Variants in HEMK2 observed in about 807,000 individuals in gnomAD.
The protein encoded by HEMK2 is HemK methyltransferase 2, ETF1 glutamine and histone H4 lysine, also known as methyltransferase HEMK2.
the HEMK2 span, among the ~76,000 whole-genome samples, chr21:28,575,716 T>G: frequency 2.0e-5 from 3 of 152,192 alleles, no homozygotes; most frequent in African/African-American, 4.8e-5. Flanking sequence ...TACCACCCAA[T>G]GAAGACACAG....
chr21:28,626,851 C>T, the HEMK2 span, among the ~76,000 whole-genome samples: 1 of 152,144 alleles, frequency 6.6e-6, no homozygotes, highest in Non-Finnish European at 1.5e-5. Flanking sequence ...CAAACCCACT[C>T]ATATACTTAT....
chr21:28,728,185 T>A, the HEMK2 span, among the ~76,000 whole-genome samples: 1 of 152,228 alleles, frequency 6.6e-6, no homozygotes, highest in South Asian at 2.1e-4. Flanking sequence ...TAAAATGACA[T>A]GCCTTTACAA....
chr21:28,663,169 G>A, the HEMK2 span, among the ~76,000 whole-genome samples: 1 of 152,250 alleles, frequency 6.6e-6, no homozygotes, highest in Admixed American at 6.5e-5. Context: ...TAAAGACGCT[G>A]GAAGAAAGAC....
the HEMK2 span, among the ~76,000 whole-genome samples, chr21:28,844,980 C>T: frequency 6.6e-6 from 1 of 151,620 alleles, no homozygotes; most frequent in Non-Finnish European, 1.5e-5. Flanking sequence ...TCCTTTGTGA[C>T]ATCAAGGTTC....
the HEMK2 span, among the ~76,000 whole-genome samples, chr21:28,664,569 G>GCATGA: frequency 6.6e-6 from 1 of 152,072 alleles, no homozygotes; most frequent in Admixed American, 6.6e-5. Context: ...AGTATTGAAA[G>GCATGA]CATGACTTTT....
At chr21:28,723,176 AT>A in the HEMK2 span, among the ~76,000 whole-genome samples, 416 of 149,020 alleles carry the variant, frequency 2.8e-3, 1 homozygote, top group African/African-American at 9.8e-3. Context: ...TGACCAGCTA[AT>A]TTTTTTTTAT....
chr21:28,846,398 A>G, the HEMK2 span, among the ~76,000 whole-genome samples: 2 of 152,270 alleles, frequency 1.3e-5, no homozygotes, highest in South Asian at 4.2e-4. Flanking sequence ...TAGCTGAACT[A>G]ATTTACATTC....
the HEMK2 span, among the ~76,000 whole-genome samples, chr21:28,783,933 G>A: frequency 5.3e-5 from 8 of 152,210 alleles, no homozygotes; most frequent in Admixed American, 3.3e-4. Context: ...CAGGTCCCCC[G>A]GCAATGCCAG....
chr21:28,707,962 A>G, the HEMK2 span, among the ~76,000 whole-genome samples: 337 of 152,286 alleles, frequency 2.2e-3, 1 homozygote, highest in African/African-American at 7.8e-3. Context: ...CAAAAGTGGG[A>G]GCAAAGAACA....
At chr21:28,855,836 T>C in the HEMK2 span, among the ~76,000 whole-genome samples, 2 of 152,110 alleles carry the variant, frequency 1.3e-5, no homozygotes, top group African/African-American at 2.4e-5. Context: ...ACATACAATA[T>C]AGCAGAATCT....
the HEMK2 span, among the ~76,000 whole-genome samples, chr21:28,733,844 T>C: frequency 6.6e-6 from 1 of 152,198 alleles, no homozygotes. Flanking sequence ...CGTCACTGTT[T>C]AGTCTTCCTC....
chr21:28,621,846 T>C, the HEMK2 span, among the ~76,000 whole-genome samples: 2,803 of 152,326 alleles, frequency 0.018, 94 homozygotes, highest in African/African-American at 0.062. Context: ...CATCTGGATG[T>C]ATATGTGCAG....
chr21:28,757,912 G>T, the HEMK2 span, among the ~76,000 whole-genome samples: 1 of 152,168 alleles, frequency 6.6e-6, no homozygotes, highest in Non-Finnish European at 1.5e-5. Context: ...CATTAGGAAT[G>T]AATTTCTCCA....
chr21:28,808,093 C>T, the HEMK2 span, among the ~76,000 whole-genome samples: 1,169 of 152,110 alleles, frequency 7.7e-3, 18 homozygotes, highest in African/African-American at 0.027. Context: ...AGAGAGGAGA[C>T]ACAAGGAAGA....
At chr21:28,700,663 C>A in the HEMK2 span, among the ~76,000 whole-genome samples, 2 of 152,020 alleles carry the variant, frequency 1.3e-5, no homozygotes, top group Admixed American at 6.6e-5. Context: ...AAAAGCCTAC[C>A]AACCAGAAAA....
the HEMK2 span, among the ~76,000 whole-genome samples, chr21:28,599,333 T>C: frequency 2.0e-5 from 3 of 152,102 alleles, no homozygotes; most frequent in South Asian, 6.2e-4. Flanking sequence ...GGCCTCACAA[T>C]CATGGCGAAG....
At chr21:28,802,565 T>C in the HEMK2 span, among the ~76,000 whole-genome samples, 5 of 151,374 alleles carry the variant, frequency 3.3e-5, no homozygotes, top group Non-Finnish European at 5.9e-5. Flanking sequence ...CCGTCTCTAC[T>C]AAAAAAAACA....
the HEMK2 span, among the ~76,000 whole-genome samples, chr21:28,659,628 C>G: frequency 6.6e-6 from 1 of 151,966 alleles, no homozygotes. Flanking sequence ...ATGGGTTAGA[C>G]TTGAAGATTT....
chr21:28,673,887 C>T, the HEMK2 span, among the ~76,000 whole-genome samples: 2 of 152,038 alleles, frequency 1.3e-5, no homozygotes, highest in Non-Finnish European at 2.9e-5. Flanking sequence ...AAATTAACCA[C>T]TCAGATAACT....
Sources: allele counts gnomAD v4.1 joint callset (sites outside exome capture counted in the v4.1 genomes callset), GRCh38; gene constraint gnomAD v4.1.1; transcripts MANE v1.5; gene names NCBI Gene and HGNC (gene_info 2026-07-23, HGNC 2026-07-21).